Variants in FAF1 observed in about 807,000 individuals in gnomAD.
FAF1 encodes the protein Fas associated factor 1, also known as FAS-associated factor 1.
In FAF1, 25 loss-of-function variants were observed where a neutral mutation model predicts 92.5. The observed-to-expected ratio is 0.27, with a 90% CI of 0.20 to 0.38. The LOEUF is 0.38. FAF1 is among the 10% of genes least tolerant of loss of function. FAF1 has a pLI of 1.00. For missense variants in FAF1, 636 were observed against 793.3 expected, an observed-to-expected ratio of 0.80 and a Z score of 2.38; for synonymous variants, 234 against 273.2, an observed-to-expected ratio of 0.86 and a Z score of 1.42.
At chr1:50,747,663 G>C (rs1659683234) in intron 4 of FAF1, among the ~76,000 whole-genome samples, 1 of 152,138 alleles carries the variant, frequency 6.6e-6, no homozygotes, top group Non-Finnish European at 1.5e-5. Context: ...TTTGCAATGT[G>C]AGAAGGACAT....
intron 17 of FAF1, among the ~76,000 whole-genome samples, chr1:50,484,702 A>C (rs886456668): frequency 1.3e-5 from 2 of 152,296 alleles, no homozygotes; most frequent in African/African-American, 4.8e-5. Flanking sequence ...TTTTACCTTA[A>C]TAACCAATTT....
chr1:50,779,664 C>T (rs1569934750), intron 4 of FAF1, among the ~76,000 whole-genome samples: 1 of 151,224 alleles, frequency 6.6e-6, no homozygotes, highest in Non-Finnish European at 1.5e-5. Context: ...AACAAAAAAA[C>T]GTTTGGGGGT....
chr1:50,849,459 T>C (rs1644330324), intron 2 of FAF1, among the ~76,000 whole-genome samples: 1 of 152,136 alleles, frequency 6.6e-6, no homozygotes, highest in Middle Eastern at 3.2e-3. Context: ...TATCACTCAT[T>C]ATACATTTTA....
intron 6 of FAF1, among the ~76,000 whole-genome samples, chr1:50,724,237 C>CA (rs79635813): frequency 0.02 from 1,789 of 88,794 alleles, 46 homozygotes; most frequent in African/African-American, 0.041. Flanking sequence ...GACTGTCTTT[C>CA]AAAAAAAAAA....
At chr1:50,579,854 C>T (rs769783106) in intron 12 of FAF1, among the ~76,000 whole-genome samples, 3 of 150,752 alleles carry the variant, frequency 2.0e-5, no homozygotes, top group African/African-American at 4.9e-5. Flanking sequence ...ATTGTGGTTC[C>T]AAAAAAAACA....
At chr1:50,812,386 A>C (rs1305196220) in intron 2 of FAF1, among the ~76,000 whole-genome samples, 1 of 152,194 alleles carries the variant, frequency 6.6e-6, no homozygotes, top group Non-Finnish European at 1.5e-5. Flanking sequence ...AGCAAAAAAC[A>C]AACAACCCCA....
At chr1:50,892,186 C>T (rs184834260) in intron 1 of FAF1, among the ~76,000 whole-genome samples, 54 of 152,286 alleles carry the variant, frequency 3.5e-4, no homozygotes, top group African/African-American at 1.1e-3. Flanking sequence ...CCTGGTGTGC[C>T]GTTTGCTAAG....
At chr1:50,630,821 A>G (rs1653741670) in intron 8 of FAF1, among the ~76,000 whole-genome samples, 1 of 140,134 alleles carries the variant, frequency 7.1e-6, no homozygotes, top group South Asian at 2.3e-4. Context: ...TATCTAGTGT[A>G]TCATATCTTT....
At chr1:50,741,422 T>C (rs768440194) in intron 5 of FAF1, among the ~76,000 whole-genome samples, 1 of 152,240 alleles carries the variant, frequency 6.6e-6, no homozygotes, top group Non-Finnish European at 1.5e-5. Context: ...TTTTAAACTA[T>C]TGTGAGTAGT....
chr1:50,458,396 A>G (rs1646382739), intron 18 of FAF1, among the ~76,000 whole-genome samples: 1 of 152,182 alleles, frequency 6.6e-6, no homozygotes, highest in African/African-American at 2.4e-5. Flanking sequence ...CAGTGTTCTT[A>G]TTTGTAAAAT....
At position 50,439,072 on chromosome 1, in the gene FAF1, G is replaced by C. The variant is rs1557945445; in HGVS notation, c.*2368C>G. On this transcript the variant is annotated 3_prime_UTR_variant, in exon 19 of 19. Coordinates refer to ENST00000396153, the MANE Select transcript of FAF1 (RefSeq NM_007051.3). ...AAACTGGAATGGGGGATGACAAAGA[G>C]TCCTGGAGCTTCACTGTCAACAGTT... 6.6e-6 allele frequency: 1 copy of C among 152,382 alleles called. No homozygotes were observed. Among genetic ancestry groups the C allele is most frequent in the East Asian group, 1.9e-4 (1 of 5,196 alleles). 9.4% of individuals were successfully genotyped at this position (152,382 alleles called of 1,614,324 possible).
chr1:50,865,263 T>C (rs1022260168), intron 1 of FAF1, among the ~76,000 whole-genome samples: 1 of 152,138 alleles, frequency 6.6e-6, no homozygotes, highest in East Asian at 1.9e-4. Flanking sequence ...GTTCAACCAC[T>C]GTGGAAGACA....
intron 9 of FAF1, among the ~76,000 whole-genome samples, chr1:50,595,455 T>C (rs1488893208): frequency 1.3e-5 from 2 of 152,216 alleles, no homozygotes; most frequent in Non-Finnish European, 2.9e-5. Flanking sequence ...GTCTGCTTCA[T>C]AGTAAGTGCT....
chr1:50,451,030 G>T (rs528094472), intron 18 of FAF1, among the ~76,000 whole-genome samples: 1 of 152,174 alleles, frequency 6.6e-6, no homozygotes, highest in African/African-American at 2.4e-5. Context: ...GCACTGGGGT[G>T]AGGGCTTCCA....
chr1:50,932,179 C>T (rs776036902), intron 1 of FAF1, among the ~76,000 whole-genome samples: 5 of 152,074 alleles, frequency 3.3e-5, no homozygotes, highest in Admixed American at 6.6e-5. Flanking sequence ...CTCATGTCCT[C>T]ACATGTCAAA....
intron 4 of FAF1, among the ~76,000 whole-genome samples, chr1:50,749,900 C>T (rs1001431150): frequency 1.3e-5 from 2 of 151,924 alleles, no homozygotes; most frequent in African/African-American, 4.8e-5. Context: ...TGACATAATT[C>T]ACGAAAAATG....
intron 8 of FAF1, among the ~76,000 whole-genome samples, chr1:50,616,681 A>ATT (rs201295380): frequency 1.3e-4 from 18 of 136,158 alleles, no homozygotes; most frequent in African/African-American, 2.7e-4. Context: ...TTGTATACTG[A>ATT]TTTTTTTTTT....
At chr1:50,953,849 A>G (rs1645241304) in intron 1 of FAF1, among the ~76,000 whole-genome samples, 1 of 152,264 alleles carries the variant, frequency 6.6e-6, no homozygotes, top group Non-Finnish European at 1.5e-5. Context: ...TGTGTGTTAC[A>G]GAAAACATAA....
At chr1:50,886,114 ACAC>A (rs1644661508) in intron 1 of FAF1, among the ~76,000 whole-genome samples, 1 of 152,162 alleles carries the variant, frequency 6.6e-6, no homozygotes, top group African/African-American at 2.4e-5. Flanking sequence ...AATGGTTTAC[ACAC>A]CAAAGTTATA....
Sources: gnomAD v4.1 joint callset for allele counts (sites outside exome capture counted in the v4.1 genomes callset) on GRCh38, gnomAD v4.1.1 for gene constraint, MANE v1.5 for transcripts, NCBI Gene and HGNC (gene_info 2026-07-23, HGNC 2026-07-21) for gene names.